Variants in FCHO2 observed in about 807,000 individuals in gnomAD.
The protein encoded by FCHO2 is FCH and mu domain containing endocytic adaptor 2, also known as F-BAR domain only protein 2.
In FCHO2, 43 loss-of-function variants were observed where a neutral mutation model predicts 114.1. The ratio of observed to expected loss-of-function variants is 0.38; its 90% CI spans 0.30 to 0.49. The LOEUF (loss-of-function observed/expected upper bound fraction) is 0.49. Among genes scored for constraint, FCHO2 ranks in the 20% least tolerant of loss-of-function variants. The probability of loss-of-function intolerance (pLI) is 0.97; values close to 1 mark genes in which losing one functional copy is unlikely to be tolerated. For missense variants in FCHO2, 807 were observed against 950.4 expected (o/e 0.85, Z 1.98); for synonymous variants, 293 against 315.2 (o/e 0.93, Z 0.75).
intron 19 of FCHO2, among the ~76,000 whole-genome samples, chr5:73,071,888 A>C (rs1742674772): frequency 6.6e-6 from 1 of 152,046 alleles, no homozygotes. Flanking sequence ...TAATTTACAG[A>C]GTCGTGTTAT....
At chr5:73,065,663 TAAAA>T (rs946351548) in intron 18 of FCHO2, among the ~76,000 whole-genome samples, 8 of 152,180 alleles carry the variant, frequency 5.3e-5, no homozygotes, top group Middle Eastern at 3.4e-3. Flanking sequence ...TATTTTTAAA[TAAAA>T]AGTCATACTT....
intron 1 of FCHO2, among the ~76,000 whole-genome samples, chr5:72,967,104 G>A (rs1275446034): frequency 6.6e-6 from 1 of 152,162 alleles, no homozygotes; most frequent in Non-Finnish European, 1.5e-5. Flanking sequence ...TGGCCAACAT[G>A]GCAAAACCCT....
intron 8 of FCHO2, among the ~76,000 whole-genome samples, chr5:73,024,786 A>G (rs1385254324): frequency 2.6e-5 from 4 of 152,180 alleles, no homozygotes; most frequent in Non-Finnish European, 5.9e-5. Context: ...AAGTGGGGAT[A>G]ATAATAGTAA....
At chr5:73,011,455 A>G (rs1654337455) in intron 6 of FCHO2, among the ~76,000 whole-genome samples, 1 of 148,168 alleles carries the variant, frequency 6.7e-6, no homozygotes, top group Non-Finnish European at 1.5e-5. Flanking sequence ...CTGTTTTAAA[A>G]TTTTTATTTT....
rs532459339 is a variant in FCHO2, at chr5:72,997,935, C to T, written c.495+7071C>T. Reference sequence around the variant, plus strand: ...AACTAAAACAGTGTTTGTGGTGGAGCGGCAGGACCCGCCAGAGCCACAGAT... The same window carrying T: ...AACTAAAACAGTGTTTGTGGTGGAGTGGCAGGACCCGCCAGAGCCACAGAT... On this transcript the variant is annotated intron_variant, in intron 5 of 25. Transcript: ENST00000430046. Among the ~76,000 whole-genome samples, 16 of 151,930 alleles carry T rather than the reference C, an allele frequency of 1.1e-4. No homozygotes were observed. The South Asian group carries it at 1.9e-3, about 18-fold the overall frequency.
intron 2 of FCHO2, among the ~76,000 whole-genome samples, chr5:72,984,937 A>G (rs55769858): frequency 0.3 from 45,303 of 151,820 alleles, 6,978 homozygotes; most frequent in East Asian, 0.44. Context: ...CACCTGTCCT[A>G]ATTTCTATAT....
At chr5:72,964,089 T>C (rs1425557823) in intron 1 of FCHO2, among the ~76,000 whole-genome samples, 2 of 151,936 alleles carry the variant, frequency 1.3e-5, no homozygotes, top group South Asian at 2.1e-4. Context: ...AAAAATACTT[T>C]CATTTATAGA....
At chr5:72,995,816 G>A (rs1459071290) in intron 5 of FCHO2, among the ~76,000 whole-genome samples, 1 of 151,968 alleles carries the variant, frequency 6.6e-6, no homozygotes, top group Non-Finnish European at 1.5e-5. Flanking sequence ...CTATTTATGA[G>A]GGCAGAGCCT....
chr5:73,037,218 A>G lies in FCHO2; in HGVS notation c.914+3A>G, dbSNP rs768804926. ...AAGGAAAAAGATGCAGAATCTGTGTAAGTATTTTAAATATCGTCAAAATCC... is the reference window on the plus strand; with the variant it reads ...AAGGAAAAAGATGCAGAATCTGTGTGAGTATTTTAAATATCGTCAAAATCC... On this transcript the variant is annotated splice_donor_region_variant and intron_variant, in intron 10 of 25. Transcript: ENST00000430046. The G allele has an allele frequency of 6.3e-6, 10 of 1,577,408 alleles. No individual in the cohort carries two copies. The highest frequency in any genetic ancestry group is 8.6e-6 in the Non-Finnish European group (10 of 1,163,124).
At chr5:73,041,680 C>T (rs1285534324) in intron 11 of FCHO2, among the ~76,000 whole-genome samples, 2 of 151,970 alleles carry the variant, frequency 1.3e-5, no homozygotes, top group Admixed American at 6.5e-5. Context: ...CAACATTGTG[C>T]GTGCATTTGA....
intron 5 of FCHO2, among the ~76,000 whole-genome samples, chr5:72,998,734 G>T (rs1754266190): frequency 1.3e-5 from 2 of 150,226 alleles, no homozygotes; most frequent in African/African-American, 4.9e-5. Flanking sequence ...AATATATGAT[G>T]ACTAGCGATT....
chr5:73,087,189 C>T (rs1743340774), intron 24 of FCHO2, among the ~76,000 whole-genome samples: 1 of 152,096 alleles, frequency 6.6e-6, no homozygotes, highest in Non-Finnish European at 1.5e-5. Context: ...TCTTCCCAAC[C>T]GTAGTTACCT....
At chr5:73,060,327 AG>A (rs1018517493) in intron 17 of FCHO2, among the ~76,000 whole-genome samples, 1 of 152,050 alleles carries the variant, frequency 6.6e-6, no homozygotes, top group Non-Finnish European at 1.5e-5. Flanking sequence ...TCAAAAAAAA[AG>A]TTAATGATGC....
Position 72,989,432 on chromosome 5 carries a change from C to T in FCHO2, c.131C>T (p.Thr44Ile). Residue 44 changes from threonine (T) to isoleucine (I), a missense_variant, in exon 3 of 26, where the codon ACC (threonine) becomes ATC (isoleucine). By Grantham distance (89) the Thr-to-Ile change is moderately conservative. Transcript: ENST00000430046. ...ELADFVRERATIEEAYSRSMT... is the reference protein window; with the variant it reads ...ELADFVRERAIIEEAYSRSMT... ...GTGGATATTTGATTTAACAGAGCTA[C>T]CATAGAGGAGGCATACTCCAGGTCA... 1 of 1,604,382 alleles carries T rather than the reference C, an allele frequency of 6.2e-7. No individual in the cohort carries two copies. The highest frequency in any genetic ancestry group is 8.5e-7 in the Non-Finnish European group (1 of 1,174,944).
At chr5:72,979,415 G>A (rs1216774636) in intron 2 of FCHO2, among the ~76,000 whole-genome samples, 6 of 95,052 alleles carry the variant, frequency 6.3e-5, no homozygotes, top group Admixed American at 1.7e-4. Context: ...TTTTTGAGAC[G>A]GAGTCTCGCT....
intron 10 of FCHO2, chr5:73,037,860 G>A (rs767974055): frequency 9.0e-6 from 3 of 334,406 alleles, no homozygotes; most frequent in South Asian, 6.4e-5. Context: ...AGGTTCAAGC[G>A]ATTCTCCTCC....
rs1755270395 is a variant in FCHO2 at position 73,015,708 on chromosome 5, A to G, written c.683A>G (p.His228Arg). 2 of 1,577,962 alleles carry G rather than the reference A, an allele frequency of 1.3e-6. No homozygotes were observed. The highest frequency in any genetic ancestry group is 4.6e-5 in the East Asian group (2 of 43,206). The change falls in exon 7 of 26, where the codon CAT becomes CGT. Residue 228 changes from histidine to arginine, a missense_variant. Physicochemically the swap from His to Arg is conservative, Grantham distance 29. Transcript: ENST00000430046. ...GSLSNAIKEI[H>R]LQIGQVHEEF... ...TTGTCAAATGCTATAAAGGAAATTCATTTGCAGATAGGCCAGGTAAGTTTT... is the reference window on the plus strand; with the variant it reads ...TTGTCAAATGCTATAAAGGAAATTCGTTTGCAGATAGGCCAGGTAAGTTTT...
At chr5:72,977,692 C>T (rs1554063062) in intron 2 of FCHO2, among the ~76,000 whole-genome samples, 1 of 152,138 alleles carries the variant, frequency 6.6e-6, no homozygotes, top group Non-Finnish European at 1.5e-5. Context: ...AAGTCTTTGC[C>T]TATGCCTATG....
At position 72,990,796 on chromosome 5, in the gene FCHO2, T is replaced by A; in HGVS notation, c.427T>A (p.Tyr143Asn). Residue 143 changes from tyrosine to asparagine, a missense_variant, in exon 5 of 26, where the codon TAC (tyrosine) becomes AAC (asparagine). Tyr to Asn is a moderately radical substitution (Grantham distance 143). Coordinates refer to ENST00000430046, the MANE Select transcript of FCHO2 (RefSeq NM_138782.3). ...TQALQKSKEN[Y>N]NAKCVEQERL... Reference sequence around the variant, plus strand: ...GGCCCTCCAGAAATCCAAGGAAAATTACAATGCCAAGTGTGTAGAACAGGA... The same window carrying A: ...GGCCCTCCAGAAATCCAAGGAAAATAACAATGCCAAGTGTGTAGAACAGGA... 2 of 1,553,140 alleles carry A rather than the reference T, an allele frequency of 1.3e-6. No individual in the cohort carries two copies. Among genetic ancestry groups the A allele is most frequent in the Non-Finnish European group, 1.7e-6 (2 of 1,147,640 alleles).
Sources: allele counts gnomAD v4.1 joint callset (sites outside exome capture counted in the v4.1 genomes callset), GRCh38; gene constraint gnomAD v4.1.1; transcripts MANE v1.5; gene names NCBI Gene and HGNC (gene_info 2026-07-23, HGNC 2026-07-21).